The following NUTM2B variants were observed in gnomAD, a reference collection of about 807,000 sequenced individuals.
The protein encoded by NUTM2B is NUT family member 2B, also known as family with sequence similarity 22, member B.
NUTM2B carries 2 observed loss-of-function variants against 42.4 expected under a neutral mutation model. The ratio of observed to expected loss-of-function variants is 0.05; its 90% CI spans 0.02 to 0.15. The LOEUF is 0.15. Ranked by LOEUF, NUTM2B falls within the 10% of genes least tolerant of loss-of-function variation. The pLI is 1.00. For missense variants in NUTM2B, 58 were observed against 952.6 expected (o/e 0.06, Z 12.36); for synonymous variants, 18 against 402.4 (o/e 0.04, Z 11.43).
chr10:79,696,347 G>A, the NUTM2B span, among the ~76,000 whole-genome samples: 2 of 152,014 alleles, frequency 1.3e-5, no homozygotes, highest in Admixed American at 6.5e-5. Context: ...GCCAGTACAA[G>A]CCAGCTCCAG....
At position 79,706,224 on chromosome 10, in the gene NUTM2B, G is replaced by GA. The variant is rs1279036550; in HGVS notation, c.567dup (p.Gln190ThrfsTer81). On this transcript the variant is annotated frameshift_variant, in exon 2 of 7. Coordinates refer to ENST00000429828, the Ensembl canonical transcript of NUTM2B. LOFTEE classifies it high-confidence loss of function. ...CTTCCCCAGCACACCTCTGGTGACA[G>GA]AACAGGATGGCTGCGGCCCGAGTGG... 2 of 1,611,836 alleles carry GA rather than the reference G, an allele frequency of 1.2e-6. No homozygotes were observed. The highest frequency in any genetic ancestry group is 2.7e-5 in the African/African-American group (2 of 74,776).
upstream of NUTM2B, among the ~76,000 whole-genome samples, chr10:79,701,451 T>TA (rs1384816760): frequency 6.6e-6 from 1 of 152,028 alleles, no homozygotes; most frequent in Non-Finnish European, 1.5e-5. Flanking sequence ...CAGTTTGTAA[T>TA]ACCTTCAGAA....
intron 2 of NUTM2B, among the ~76,000 whole-genome samples, chr10:79,707,198 T>G (rs1456808399): frequency 1.5e-5 from 2 of 132,998 alleles, no homozygotes; most frequent in Admixed American, 1.6e-4. Context: ...GAGGTCCAGT[T>G]AGCACAGCGG....
intron 2 of NUTM2B, among the ~76,000 whole-genome samples, chr10:79,707,039 G>A (rs1235678081): frequency 2.5e-5 from 3 of 119,684 alleles, no homozygotes; most frequent in Non-Finnish European, 5.0e-5. Context: ...CTGGTGTGAC[G>A]TGAGCTACGG....
At chr10:79,699,007 C>T (rs1840268580), upstream of NUTM2B, among the ~76,000 whole-genome samples, 2 of 152,096 alleles carry the variant, frequency 1.3e-5, no homozygotes, top group Non-Finnish European at 2.9e-5. Flanking sequence ...ATATAAACTC[C>T]ACCTCATAAC....
upstream of NUTM2B, among the ~76,000 whole-genome samples, chr10:79,699,586 G>T (rs71475328): frequency 6.6e-6 from 1 of 151,672 alleles, no homozygotes; most frequent in Non-Finnish European, 1.5e-5. Context: ...GGGACTACAG[G>T]CATGCACCAC....
chr10:79,704,986 C>T (rs1456709798), intron 1 of NUTM2B, among the ~76,000 whole-genome samples: 2 of 151,576 alleles, frequency 1.3e-5, no homozygotes, highest in South Asian at 4.2e-4. Context: ...GGTGCATGTG[C>T]TGTATCCCTT....
the NUTM2B span, among the ~76,000 whole-genome samples, chr10:79,694,914 A>G: frequency 2.0e-5 from 3 of 152,032 alleles, no homozygotes. Flanking sequence ...ATCCCTGCCA[A>G]GGTGCAACTA....
chr10:79,709,664 G>T, intron 3 of NUTM2B, 136 bp from the exon 4 acceptor site: 1 of 1,279,344 alleles, frequency 7.8e-7, no homozygotes, highest in Non-Finnish European at 1.0e-6. Context: ...TCCTGGGACT[G>T]GGGGATGGGA....
At chr10:79,699,125 T>C (rs1185937631), upstream of NUTM2B, among the ~76,000 whole-genome samples, 1 of 151,838 alleles carries the variant, frequency 6.6e-6, no homozygotes, top group African/African-American at 2.4e-5. Context: ...CGCATCACCA[T>C]GCAACATGCC....
chr10:79,697,087 G>A, the NUTM2B span, among the ~76,000 whole-genome samples: 1 of 106,872 alleles, frequency 9.4e-6, no homozygotes, highest in Non-Finnish European at 1.9e-5. Flanking sequence ...TAAATACACA[G>A]ATGGCCTGCA....
chr10:79,693,751 C>T, the NUTM2B span, among the ~76,000 whole-genome samples: 106 of 152,224 alleles, frequency 7.0e-4, no homozygotes, highest in African/African-American at 2.3e-3. Flanking sequence ...AGCTCCATTC[C>T]GCCAACAAAA....
upstream of NUTM2B, among the ~76,000 whole-genome samples, chr10:79,701,652 G>A (rs1196912941): frequency 6.6e-6 from 1 of 150,516 alleles, no homozygotes; most frequent in African/African-American, 2.4e-5. Context: ...CCTCTGAACA[G>A]GGGATCCAAG....
At chr10:79,707,124 C>T (rs1301880597) in intron 2 of NUTM2B, among the ~76,000 whole-genome samples, 2 of 130,714 alleles carry the variant, frequency 1.5e-5, no homozygotes, top group African/African-American at 5.9e-5. Flanking sequence ...GAGCACCTCA[C>T]ATGGGGCCGG....
chr10:79,700,019 T>C (rs1292458990), upstream of NUTM2B, among the ~76,000 whole-genome samples: 2 of 152,270 alleles, frequency 1.3e-5, no homozygotes, highest in African/African-American at 4.8e-5. Flanking sequence ...AGCCTACAAT[T>C]TACAAATAAT....
intron 4 of NUTM2B, 62 bp downstream of exon 4, chr10:79,710,001 C>G: frequency 2.1e-6 from 1 of 467,778 alleles, no homozygotes; most frequent in East Asian, 3.8e-5. Context: ...AGGGAGGCCA[C>G]TGTCCCCACA....
At chr10:79,699,277 A>T (rs1050842908), upstream of NUTM2B, among the ~76,000 whole-genome samples, 1 of 151,694 alleles carries the variant, frequency 6.6e-6, no homozygotes, top group African/African-American at 2.4e-5. Context: ...ACATTAGACA[A>T]ATACAAATCG....
upstream of NUTM2B, among the ~76,000 whole-genome samples, chr10:79,699,053 T>A (rs139310070): frequency 8.0e-3 from 1,220 of 152,142 alleles, 6 homozygotes; most frequent in African/African-American, 0.028. Flanking sequence ...CCAGTAGACA[T>A]GGATCTGCCC....
upstream of NUTM2B, among the ~76,000 whole-genome samples, chr10:79,700,008 T>C (rs1840283596): frequency 2.0e-5 from 3 of 152,408 alleles, no homozygotes; most frequent in South Asian, 6.2e-4. Flanking sequence ...GATACATGTG[T>C]AGCCTACAAT....
Sources: allele counts gnomAD v4.1 joint callset (sites outside exome capture counted in the v4.1 genomes callset), GRCh38; gene constraint gnomAD v4.1.1; transcripts MANE v1.5; gene names NCBI Gene and HGNC (gene_info 2026-07-23, HGNC 2026-07-21).